GALNT13: variants seen among roughly 807,000 people sequenced by gnomAD.
The protein encoded by GALNT13 is polypeptide N-acetylgalactosaminyltransferase 13.
GALNT13 carries 28 observed loss-of-function variants against 64.2 expected under a neutral mutation model. That is an observed-to-expected ratio of 0.44 (90% CI 0.32 to 0.60). GALNT13 has a LOEUF of 0.60. GALNT13 is among the 20% of genes least tolerant of loss of function. The probability of loss-of-function intolerance (pLI) is 0.05; values close to 1 mark genes in which losing one functional copy is unlikely to be tolerated. For synonymous variants in GALNT13, 214 were observed against 224.6 expected, an observed-to-expected ratio of 0.95 and a Z score of 0.42; for missense variants, 577 against 669.8, an observed-to-expected ratio of 0.86 and a Z score of 1.53.
intron 4 of GALNT13, among the ~76,000 whole-genome samples, chr2:154,164,776 CACACA>C (rs1684931779): frequency 6.6e-6 from 1 of 151,888 alleles, no homozygotes; most frequent in South Asian, 2.1e-4. Context: ...AATTTGAGCA[CACACA>C]TGTGCACAAT....
At chr2:153,514,576 A>C in the GALNT13 span, among the ~76,000 whole-genome samples, 1 of 152,048 alleles carries the variant, frequency 6.6e-6, no homozygotes, top group African/African-American at 2.4e-5. Context: ...ACGGATGGGC[A>C]TTTCTGGGTT....
intron 3 of GALNT13, among the ~76,000 whole-genome samples, chr2:153,972,577 ATTAC>A (rs1371120814): frequency 6.6e-6 from 1 of 152,100 alleles, no homozygotes; most frequent in African/African-American, 2.4e-5. Flanking sequence ...ATTTGCAGTC[ATTAC>A]TTCTAATGAC....
the GALNT13 span, among the ~76,000 whole-genome samples, chr2:153,822,011 C>T: frequency 8.3e-4 from 126 of 152,276 alleles, no homozygotes; most frequent in Middle Eastern, 3.4e-3. Flanking sequence ...TGGAAACACA[C>T]AACCTCTCAA....
the GALNT13 span, among the ~76,000 whole-genome samples, chr2:153,471,141 G>C: frequency 6.6e-6 from 1 of 152,096 alleles, no homozygotes; most frequent in African/African-American, 2.4e-5. Flanking sequence ...TTCAAGGGGA[G>C]AAACCAGGAG....
upstream of GALNT13, among the ~76,000 whole-genome samples, chr2:153,869,827 T>G (rs575011139): frequency 1.4e-4 from 21 of 152,232 alleles, no homozygotes; most frequent in African/African-American, 5.1e-4. Context: ...ATTATCTATG[T>G]TTGGGCCATG....
At chr2:154,068,226 G>T (rs1252278130) in intron 3 of GALNT13, among the ~76,000 whole-genome samples, 1 of 151,898 alleles carries the variant, frequency 6.6e-6, no homozygotes, top group East Asian at 1.9e-4. Flanking sequence ...ATTCTGGGGA[G>T]GATGAGGACA....
intron 9 of GALNT13, among the ~76,000 whole-genome samples, chr2:154,320,107 A>G (rs35793004): frequency 0.19 from 29,485 of 152,070 alleles, 3,330 homozygotes; most frequent in Middle Eastern, 0.35. Context: ...CTCTTAAAAA[A>G]TGGACATTTT....
chr2:154,386,182 G>C (rs1698505650), intron 9 of GALNT13, among the ~76,000 whole-genome samples: 1 of 151,934 alleles, frequency 6.6e-6, no homozygotes, highest in South Asian at 2.1e-4. Context: ...AAGAAGACTT[G>C]AAATCAGTGA....
chr2:153,610,224 C>G, the GALNT13 span, among the ~76,000 whole-genome samples: 1 of 152,058 alleles, frequency 6.6e-6, no homozygotes, highest in African/African-American at 2.4e-5. Flanking sequence ...AAACAACAAA[C>G]TATCATATTG....
At chr2:153,178,695 GC>G in the GALNT13 span, among the ~76,000 whole-genome samples, 1 of 148,790 alleles carries the variant, frequency 6.7e-6, no homozygotes, top group African/African-American at 2.5e-5. Flanking sequence ...TTGTACAGAA[GC>G]TTTTTAGTTT....
the GALNT13 span, among the ~76,000 whole-genome samples, chr2:153,585,841 A>G: frequency 1.3e-5 from 2 of 152,088 alleles, no homozygotes; most frequent in Non-Finnish European, 2.9e-5. Flanking sequence ...AGTATCATAA[A>G]TAAAGGAGAA....
chr2:153,787,393 C>T, the GALNT13 span, among the ~76,000 whole-genome samples: 1 of 152,186 alleles, frequency 6.6e-6, no homozygotes, highest in Non-Finnish European at 1.5e-5. Flanking sequence ...CAAATAAAGA[C>T]CCTGTACAAA....
At chr2:153,815,937 A>C in the GALNT13 span, among the ~76,000 whole-genome samples, 1 of 152,206 alleles carries the variant, frequency 6.6e-6, no homozygotes, top group African/African-American at 2.4e-5. Context: ...CTAACATGTC[A>C]GTCTCTTCTT....
At chr2:153,416,595 TG>T in the GALNT13 span, among the ~76,000 whole-genome samples, 5 of 152,248 alleles carry the variant, frequency 3.3e-5, no homozygotes, top group Non-Finnish European at 7.3e-5. Flanking sequence ...TTTCCTAGAC[TG>T]CTGATTACCA....
At chr2:153,164,761 G>A in the GALNT13 span, among the ~76,000 whole-genome samples, 7 of 152,222 alleles carry the variant, frequency 4.6e-5, no homozygotes, top group East Asian at 1.4e-3. Context: ...GCACTATGAT[G>A]TATAGCAGAT....
At chr2:153,132,427 A>G in the GALNT13 span, among the ~76,000 whole-genome samples, 309 of 152,296 alleles carry the variant, frequency 2.0e-3, no homozygotes, top group African/African-American at 7.1e-3. Flanking sequence ...ACTTTTTATT[A>G]CCTAAGAGTA....
intron 3 of GALNT13, among the ~76,000 whole-genome samples, chr2:154,019,054 A>G (rs1697232630): frequency 6.6e-6 from 1 of 152,116 alleles, no homozygotes; most frequent in East Asian, 1.9e-4. Flanking sequence ...GTGTCTTCAG[A>G]GAAACAGAAA....
At chr2:153,858,895 A>G in the GALNT13 span, among the ~76,000 whole-genome samples, 1 of 151,776 alleles carries the variant, frequency 6.6e-6, no homozygotes, top group Non-Finnish European at 1.5e-5. Context: ...ACCATGCCCA[A>G]CTAATTTTTG....
chr2:153,935,304 T>C (rs1452950538), intron 2 of GALNT13, among the ~76,000 whole-genome samples: 1 of 152,220 alleles, frequency 6.6e-6, no homozygotes, highest in African/African-American at 2.4e-5. Context: ...TTTAATAGAA[T>C]CTGAATTTCC....
Sources: gnomAD v4.1 joint callset for allele counts (sites outside exome capture counted in the v4.1 genomes callset) on GRCh38, gnomAD v4.1.1 for gene constraint, MANE v1.5 for transcripts, NCBI Gene and HGNC (gene_info 2026-07-23, HGNC 2026-07-21) for gene names.